The following DRC11 variants were observed in gnomAD, a reference collection of about 807,000 sequenced individuals.
DRC11 encodes dynein regulatory complex subunit 11.
the DRC11 span, among the ~76,000 whole-genome samples, chr2:236,321,366 T>G: frequency 0.56 from 84,513 of 152,118 alleles, 26,965 homozygotes; most frequent in African/African-American, 0.89. Flanking sequence ...CAATATTCAA[T>G]TTACAGAATT....
At chr2:236,410,926 C>T in the DRC11 span, among the ~76,000 whole-genome samples, 2 of 145,650 alleles carry the variant, frequency 1.4e-5, no homozygotes, top group South Asian at 2.3e-4. Context: ...AACGTTAGAT[C>T]TAAAACCATA....
chr2:236,454,117 C>A, the DRC11 span, among the ~76,000 whole-genome samples: 3 of 152,204 alleles, frequency 2.0e-5, no homozygotes, highest in Admixed American at 6.5e-5. This position sits in a 1 kb window ranked among gnomAD's most constrained non-coding sequence, Gnocchi z 5.3. Flanking sequence ...CAGAAAAGCA[C>A]AATAGAGGGT....
At chr2:236,458,029 CTAT>C in the DRC11 span, among the ~76,000 whole-genome samples, 1 of 152,026 alleles carries the variant, frequency 6.6e-6, no homozygotes, top group Non-Finnish European at 1.5e-5. Context: ...TTGTGAGTCT[CTAT>C]TATTATTATT....
At chr2:236,320,942 C>T in the DRC11 span, among the ~76,000 whole-genome samples, 4 of 152,058 alleles carry the variant, frequency 2.6e-5, no homozygotes, top group African/African-American at 7.2e-5. Flanking sequence ...GCGGCCTCAC[C>T]TTCCAGGAGG....
At chr2:236,353,700 G>C in the DRC11 span, among the ~76,000 whole-genome samples, 1 of 152,096 alleles carries the variant, frequency 6.6e-6, no homozygotes, top group Non-Finnish European at 1.5e-5. The surrounding 1 kb of genome is among the most constrained non-coding windows in gnomAD (Gnocchi z 5.0). Context: ...TCTGTGGTGG[G>C]AAGCAGGGGT....
chr2:236,342,722 TG>T, the DRC11 span, among the ~76,000 whole-genome samples: 22 of 152,152 alleles, frequency 1.4e-4, no homozygotes, highest in African/African-American at 2.2e-4. This position sits in a 1 kb window ranked among gnomAD's most constrained non-coding sequence, Gnocchi z 5.8. Flanking sequence ...GTGGAAATAC[TG>T]GGGGTGGGAG....
chr2:236,344,656 A>G, the DRC11 span: 1 of 1,603,032 alleles, frequency 6.2e-7, no homozygotes, highest in South Asian at 1.1e-5. Flanking sequence ...GCAGAGGAAA[A>G]GGCAGGGCCC....
chr2:236,383,675 T>A, the DRC11 span, among the ~76,000 whole-genome samples: 25,747 of 151,202 alleles, frequency 0.17, 2,408 homozygotes, highest in Non-Finnish European at 0.22. Flanking sequence ...ACTTTTTTTT[T>A]TATTATACTT....
chr2:236,457,912 G>C, the DRC11 span, among the ~76,000 whole-genome samples: 1 of 152,164 alleles, frequency 6.6e-6, no homozygotes. The surrounding 1 kb of genome is among the most constrained non-coding windows in gnomAD (Gnocchi z 4.7). Flanking sequence ...CACCAAGTTG[G>C]TGTCATTTGT....
At chr2:236,377,729 G>C in the DRC11 span, among the ~76,000 whole-genome samples, 1 of 152,160 alleles carries the variant, frequency 6.6e-6, no homozygotes, top group African/African-American at 2.4e-5. The surrounding 1 kb of genome is among the most constrained non-coding windows in gnomAD (Gnocchi z 4.9). Context: ...TTTTTTAGGA[G>C]GGTGTTATAC....
chr2:236,459,652 T>TACGTATATACGTATATAC, the DRC11 span, among the ~76,000 whole-genome samples: 151 of 103,802 alleles, frequency 1.5e-3, no homozygotes, highest in African/African-American at 4.9e-3. Context: ...TACGTATATA[T>TACGTATATACGTATATAC]GTATATACAT....
At chr2:236,481,858 T>C in the DRC11 span, among the ~76,000 whole-genome samples, 43 of 150,500 alleles carry the variant, frequency 2.9e-4, no homozygotes, top group Non-Finnish European at 4.9e-4. Context: ...TATGTATAAC[T>C]ATATGTATAA....
At chr2:236,446,670 A>G in the DRC11 span, among the ~76,000 whole-genome samples, 1 of 152,206 alleles carries the variant, frequency 6.6e-6, no homozygotes, top group Non-Finnish European at 1.5e-5. This position sits in a 1 kb window ranked among gnomAD's most constrained non-coding sequence, Gnocchi z 6.2. Flanking sequence ...GAATGCCTGG[A>G]AAACCCTCTT....
At chr2:236,357,599 GTAAA>G in the DRC11 span, among the ~76,000 whole-genome samples, 1 of 121,836 alleles carries the variant, frequency 8.2e-6, no homozygotes, top group Non-Finnish European at 1.6e-5. Context: ...ATGCATTTAT[GTAAA>G]TATATATTTA....
the DRC11 span, among the ~76,000 whole-genome samples, chr2:236,327,215 T>C: frequency 6.6e-6 from 1 of 152,340 alleles, no homozygotes; most frequent in East Asian, 1.9e-4. Context: ...GATCCAGTCA[T>C]AAAAGAAGCA....
At chr2:236,351,146 T>C in the DRC11 span, among the ~76,000 whole-genome samples, 1 of 152,148 alleles carries the variant, frequency 6.6e-6, no homozygotes, top group African/African-American at 2.4e-5. This position sits in a 1 kb window ranked among gnomAD's most constrained non-coding sequence, Gnocchi z 7.3. Flanking sequence ...CAGAAGAGCT[T>C]GGTATGCCAG....
the DRC11 span, among the ~76,000 whole-genome samples, chr2:236,466,712 G>A: frequency 6.6e-6 from 1 of 152,238 alleles, no homozygotes; most frequent in African/African-American, 2.4e-5. Flanking sequence ...CCAAGGGGAT[G>A]GTGCTAAGCC....
chr2:236,359,802 T>C, the DRC11 span, among the ~76,000 whole-genome samples: 1 of 152,146 alleles, frequency 6.6e-6, no homozygotes, highest in Non-Finnish European at 1.5e-5. The surrounding 1 kb of genome is among the most constrained non-coding windows in gnomAD (Gnocchi z 4.3). Context: ...CCGCACACAA[T>C]TTTTAATTGA....
the DRC11 span, among the ~76,000 whole-genome samples, chr2:236,477,573 T>C: frequency 6.6e-6 from 1 of 152,296 alleles, no homozygotes; most frequent in East Asian, 1.9e-4. Context: ...ACCTGGTCTT[T>C]TCTTCTCCTT....
Sources: allele counts gnomAD v4.1 joint callset (sites outside exome capture counted in the v4.1 genomes callset), GRCh38; gene constraint gnomAD v4.1.1; non-coding constraint Gnocchi (gnomAD v3.1); transcripts MANE v1.5; gene names NCBI Gene and HGNC (gene_info 2026-07-23, HGNC 2026-07-21).